The following TBC1D2 variants were observed in gnomAD, a reference collection of about 807,000 sequenced individuals.
The protein encoded by TBC1D2 is TBC1 domain family member 2A.
TBC1D2 carries 58 observed loss-of-function variants against 91.1 expected under a neutral mutation model. That is an observed-to-expected ratio of 0.64 (90% CI 0.52 to 0.79). TBC1D2 has a LOEUF of 0.79. Among genes scored for constraint, TBC1D2 ranks in the 30% least tolerant of loss-of-function variants. TBC1D2 has a pLI of 0.00. For missense variants in TBC1D2, 1,080 were observed against 1,208.3 expected, an observed-to-expected ratio of 0.89 and a Z score of 1.57; for synonymous variants, 482 against 511.5, an observed-to-expected ratio of 0.94 and a Z score of 0.78.
intron 2 of TBC1D2, among the ~76,000 whole-genome samples, chr9:98,250,209 A>G (rs2131296790): frequency 6.6e-6 from 1 of 152,310 alleles, no homozygotes; most frequent in South Asian, 2.1e-4. Context: ...GAGAGAGCAG[A>G]GACTCTGCCG....
chr9:98,242,501 C>CTATTGGA (rs1403373486), intron 3 of TBC1D2, among the ~76,000 whole-genome samples: 1 of 151,388 alleles, frequency 6.6e-6, no homozygotes, highest in African/African-American at 2.4e-5. Flanking sequence ...AACAGGATCA[C>CTATTGGA]TATTGGATAT....
chr9:98,209,933 A>T (rs1216748916), intron 8 of TBC1D2, among the ~76,000 whole-genome samples: 1 of 147,822 alleles, frequency 6.8e-6, no homozygotes, highest in East Asian at 2.0e-4. Context: ...GGCTCAAGTG[A>T]TCCTCCCACC....
intron 2 of TBC1D2, among the ~76,000 whole-genome samples, chr9:98,246,116 C>T (rs1474713318): frequency 6.6e-6 from 1 of 152,072 alleles, no homozygotes; most frequent in Non-Finnish European, 1.5e-5. Context: ...TAGAAATTAA[C>T]TTTGAGTGTT....
At position 98,208,620 on chromosome 9, in the gene TBC1D2, C is replaced by T. The variant is rs371948545; in HGVS notation, c.2150+48G>A. 3.0e-5 allele frequency: 45 copies of T among 1,498,586 alleles called. No individual in the cohort carries two copies. The East Asian group carries it at 4.8e-4, about 16-fold the overall frequency. 92.8% of individuals were successfully genotyped at this position (1,498,586 alleles called of 1,614,324 possible). A position where few individuals can be genotyped will look rare whatever the true frequency, so the allele number is the denominator to read the frequency against. On this transcript the variant is annotated intron_variant, in intron 9 of 12. Coordinates refer to ENST00000465784, the MANE Select transcript of TBC1D2 (RefSeq NM_001267571.2). Reference sequence around the variant, plus strand: ...CCACAGTCTGAGGGTTGGGGACCTGCGCTCCAAAAGGTAAAGATCACACCT... The same window carrying T: ...CCACAGTCTGAGGGTTGGGGACCTGTGCTCCAAAAGGTAAAGATCACACCT...
Position 98,255,514 on chromosome 9 carries a change from C to T in TBC1D2, c.28G>A (p.Glu10Lys). MEGAGENAP[E>K]SSSSAPGSEE... ...GACCCAGGGGCAGAGGAGCTGGACTCCGGGGCGTTCTCCCCAGCGCCCTCC... is the reference window on the plus strand; with the variant it reads ...GACCCAGGGGCAGAGGAGCTGGACTTCGGGGCGTTCTCCCCAGCGCCCTCC... Residue 10 changes from glutamate to lysine, a missense_variant, in exon 1 of 13, where the codon GAG becomes AAG. Glu to Lys is a moderately conservative substitution (Grantham distance 56). Coordinates refer to ENST00000465784, the MANE Select transcript of TBC1D2 (RefSeq NM_001267571.2). 1 of 1,537,908 alleles carries T rather than the reference C, an allele frequency of 6.5e-7. No individual in the cohort carries two copies. Among genetic ancestry groups the T allele is most frequent in the Non-Finnish European group, 8.8e-7 (1 of 1,141,314 alleles).
At chr9:98,203,919 T>C (rs113330401) in intron 9 of TBC1D2, among the ~76,000 whole-genome samples, 4 of 152,298 alleles carry the variant, frequency 2.6e-5, no homozygotes, top group Non-Finnish European at 5.9e-5. Context: ...AGATTAACAA[T>C]ATCTATCCCC....
At chr9:98,209,756 T>TTCCTTTCCTTCC (rs369507489) in intron 8 of TBC1D2, among the ~76,000 whole-genome samples, 1 of 105,478 alleles carries the variant, frequency 9.5e-6, no homozygotes, top group Admixed American at 9.6e-5. Flanking sequence ...CCTTCCTTCC[T>TTCCTTTCCTTCC]TTCCTTCCTT....
intron 1 of TBC1D2, 46 bp downstream of exon 1, chr9:98,255,127 G>C: frequency 6.4e-7 from 1 of 1,560,830 alleles, no homozygotes; most frequent in East Asian, 2.3e-5. Context: ...CTGCGAAAAG[G>C]GGACCTCACG....
At chr9:98,211,043 C>A (rs1056765662) in intron 7 of TBC1D2, among the ~76,000 whole-genome samples, 200 bp from the exon 8 acceptor site, 1 of 152,218 alleles carries the variant, frequency 6.6e-6, no homozygotes, top group Admixed American at 6.5e-5. Context: ...GAGGCCCAGG[C>A]CCAGGTTGGA....
intron 1 of TBC1D2, among the ~76,000 whole-genome samples, chr9:98,254,235 A>C (rs749705353): frequency 6.6e-6 from 1 of 152,104 alleles, no homozygotes; most frequent in Non-Finnish European, 1.5e-5. Flanking sequence ...CCCATAGAAC[A>C]CTTAGCCCAG....
At position 98,210,737 on chromosome 9, in the gene TBC1D2, A is replaced by G; in HGVS notation, c.1592T>C (p.Leu531Pro). Reference sequence around the variant, plus strand: ...TGCCTCCTGGACAAGCTGCCTCAGCAGCTCTGAGCACTCGCTGGCTTCGTC... The same window carrying G: ...TGCCTCCTGGACAAGCTGCCTCAGCGGCTCTGAGCACTCGCTGGCTTCGTC... ...LGDEASECSE[L>P]LRQLVQEALQ... Residue 531 changes from leucine to proline, a missense_variant, in exon 8 of 13, where the codon CTG becomes CCG. Transcript: ENST00000465784. The G allele has an allele frequency of 6.3e-7, 1 of 1,589,244 alleles. No homozygotes were observed. The highest frequency in any genetic ancestry group is 8.6e-7 in the Non-Finnish European group (1 of 1,167,570).
At chr9:98,203,431 G>C (rs754877201) in intron 9 of TBC1D2, 23 bp from the exon 10 acceptor site, 8 of 1,612,870 alleles carry the variant, frequency 5.0e-6, no homozygotes, top group Non-Finnish European at 5.9e-6. Flanking sequence ...GGAAGGCCTG[G>C]AGTGATTACA....
At chr9:98,222,982 C>G (rs766888991) in intron 5 of TBC1D2, among the ~76,000 whole-genome samples, 4 of 152,372 alleles carry the variant, frequency 2.6e-5, no homozygotes, top group African/African-American at 7.2e-5. Context: ...TCCATCCAAC[C>G]TTTACCAAGC....
At chr9:98,208,323 C>T (rs772530235) in intron 9 of TBC1D2, among the ~76,000 whole-genome samples, 4 of 152,054 alleles carry the variant, frequency 2.6e-5, no homozygotes, top group Non-Finnish European at 1.5e-5. Context: ...CACTAGGGAC[C>T]GGTTTCATGA....
At chr9:98,226,272 T>G (rs1829231470) in intron 5 of TBC1D2, among the ~76,000 whole-genome samples, 1 of 152,232 alleles carries the variant, frequency 6.6e-6, no homozygotes, top group Non-Finnish European at 1.5e-5. Flanking sequence ...CACGGCACAT[T>G]TCCTGAAGGC....
At chr9:98,224,830 C>T (rs997476423) in intron 5 of TBC1D2, among the ~76,000 whole-genome samples, 2 of 152,056 alleles carry the variant, frequency 1.3e-5, no homozygotes, top group Non-Finnish European at 2.9e-5. Flanking sequence ...GGGGGTGTAT[C>T]TAACGAGGTG....
At chr9:98,236,307 T>C (rs2119154318) in intron 3 of TBC1D2, among the ~76,000 whole-genome samples, 1 of 151,994 alleles carries the variant, frequency 6.6e-6, no homozygotes, top group African/African-American at 2.4e-5. Flanking sequence ...CACTGCAACC[T>C]CCACCTCCCA....
chr9:98,233,737 C>CTCTT (rs1435301093), intron 3 of TBC1D2, among the ~76,000 whole-genome samples, 188 bp from the exon 4 acceptor site: 3 of 152,210 alleles, frequency 2.0e-5, no homozygotes, highest in Non-Finnish European at 2.9e-5. Context: ...CTTTACCTAT[C>CTCTT]TCTTTCGCAT....
rs750718365 is a variant in TBC1D2, at chr9:98,208,726, C to A, written c.2092G>T (p.Val698Leu). Residue 698 changes from valine (V) to leucine (L), a missense_variant, in exon 9 of 13, where the codon GTG (valine) becomes TTG (leucine). Coordinates refer to ENST00000465784, the MANE Select transcript of TBC1D2 (RefSeq NM_001267571.2). Reference sequence around the variant, plus strand: ...TTCTGCCAGGAGAAGGCCAGCAGCACCCGGCGGAGCTTGTCGGGGAAGCTG... The same window carrying A: ...TTCTGCCAGGAGAAGGCCAGCAGCAACCGGCGGAGCTTGTCGGGGAAGCTG... ...TSSFPDKLRR[V>L]LLAFSWQNPT... 1 of 1,554,214 alleles carries A rather than the reference C, an allele frequency of 6.4e-7. No individual in the cohort carries two copies. The highest frequency in any genetic ancestry group is 8.7e-7 in the Non-Finnish European group (1 of 1,146,144).
Sources: gnomAD v4.1 joint callset for allele counts (sites outside exome capture counted in the v4.1 genomes callset) on GRCh38, gnomAD v4.1.1 for gene constraint, MANE v1.5 for transcripts, NCBI Gene and HGNC (gene_info 2026-07-23, HGNC 2026-07-21) for gene names.